The following DLC1 variants were observed in gnomAD, a reference collection of about 807,000 sequenced individuals.
DLC1 encodes the protein rho GTPase-activating protein 7.
DLC1 carries 54 observed loss-of-function variants against 140.3 expected under a neutral mutation model. The ratio of observed to expected loss-of-function variants is 0.38; its 90% CI spans 0.31 to 0.48. The LOEUF (loss-of-function observed/expected upper bound fraction) is 0.48, where lower values mean the gene tolerates loss of function less well. Ranked by LOEUF, DLC1 falls within the 20% of genes least tolerant of loss-of-function variation. The pLI, the probability that DLC1 is intolerant of heterozygous loss-of-function variation, is 0.96. For synonymous variants in DLC1, 986 were observed against 728.1 expected (o/e 1.35, Z -5.70); for missense variants, 2,536 against 1,907.0 (o/e 1.33, Z -6.14).
At chr8:13,411,327 A>G (rs1837770823) in intron 2 of DLC1, among the ~76,000 whole-genome samples, 1 of 152,230 alleles carries the variant, frequency 6.6e-6, no homozygotes, top group African/African-American at 2.4e-5. Flanking sequence ...TATCTACTGA[A>G]TAATTCCAAT....
chr8:13,301,922 C>T (rs927474293), intron 5 of DLC1, among the ~76,000 whole-genome samples: 4 of 152,132 alleles, frequency 2.6e-5, no homozygotes, highest in South Asian at 2.1e-4. Context: ...TACCCAACTC[C>T]GTGGAAAAAT....
chr8:13,210,594 T>C (rs970138967), intron 5 of DLC1, among the ~76,000 whole-genome samples: 1 of 152,226 alleles, frequency 6.6e-6, no homozygotes, highest in African/African-American at 2.4e-5. Context: ...ATTTACTACA[T>C]TAAATCAATT....
chr8:13,545,183 C>T (rs186511083), intron 1 of DLC1, among the ~76,000 whole-genome samples: 1 of 151,944 alleles, frequency 6.6e-6, no homozygotes, highest in Non-Finnish European at 1.5e-5. Flanking sequence ...AAAGAACTAA[C>T]ATTGCATTTA....
chr8:13,383,273 C>A (rs772235726), intron 4 of DLC1, among the ~76,000 whole-genome samples: 2 of 152,154 alleles, frequency 1.3e-5, no homozygotes, highest in African/African-American at 4.8e-5. Context: ...GTGACACTTA[C>A]GTGCCTTCTG....
rs112647251 is a variant in DLC1, at chr8:13,212,208, T to A, written c.1348+93061A>T. Among the ~76,000 whole-genome samples, 303 of 152,328 alleles carry A rather than the reference T, an allele frequency of 2.0e-3. 2 individuals carry two copies. Among genetic ancestry groups the A allele is most frequent in the African/African-American group, 6.4e-3 (268 of 41,574 alleles). On this transcript the variant is annotated intron_variant, in intron 5 of 17. Coordinates refer to ENST00000276297, the MANE Select transcript of DLC1 (RefSeq NM_182643.3). ...CCTCTTAACAACATACATGGCTTTT[T>A]AAAAATATCAGGATGACCAACCAGC...
At chr8:13,562,000 C>G (rs941936735) in intron 1 of DLC1, among the ~76,000 whole-genome samples, 2 of 151,894 alleles carry the variant, frequency 1.3e-5, no homozygotes, top group African/African-American at 4.8e-5. Flanking sequence ...GGAAAAAGTA[C>G]TAAAGACAGG....
At chr8:13,590,214 C>T (rs960557551) in intron 1 of DLC1, among the ~76,000 whole-genome samples, 1 of 152,140 alleles carries the variant, frequency 6.6e-6, no homozygotes, top group Non-Finnish European at 1.5e-5. Context: ...GGCCTCTCAA[C>T]ATCCTTGAAT....
At chr8:13,191,593 C>T (rs1189124808) in intron 5 of DLC1, among the ~76,000 whole-genome samples, 1 of 152,050 alleles carries the variant, frequency 6.6e-6, no homozygotes, top group African/African-American at 2.4e-5. Flanking sequence ...TTAAGATGCC[C>T]CGAGAATTTG....
intron 5 of DLC1, among the ~76,000 whole-genome samples, chr8:13,165,916 A>G (rs942941477): frequency 6.6e-6 from 1 of 152,100 alleles, no homozygotes; most frequent in Non-Finnish European, 1.5e-5. Flanking sequence ...CAGATCTGGG[A>G]AAGTGTTTAA....
chr8:13,399,544 C>A (rs1182549497), intron 3 of DLC1, among the ~76,000 whole-genome samples: 1 of 152,150 alleles, frequency 6.6e-6, no homozygotes, highest in African/African-American at 2.4e-5. Flanking sequence ...ATCTGATCCC[C>A]TATCCCCATT....
At chr8:13,306,595 A>T (rs1352929002) in intron 4 of DLC1, among the ~76,000 whole-genome samples, 4 of 151,864 alleles carry the variant, frequency 2.6e-5, no homozygotes, top group South Asian at 4.2e-4. Flanking sequence ...AGAGAGAGAG[A>T]GAGAGAGGCC....
At chr8:13,214,589 A>T (rs565522975) in intron 5 of DLC1, 7 of 635,416 alleles carry the variant, frequency 1.1e-5, no homozygotes, top group Non-Finnish European at 2.0e-5. Context: ...CTGCCCGAGG[A>T]AATTGGAGTG....
intron 5 of DLC1, among the ~76,000 whole-genome samples, chr8:13,226,993 A>C (rs1451695666): frequency 6.6e-6 from 1 of 152,108 alleles, no homozygotes. Flanking sequence ...CTTCTGCAAA[A>C]AACTGGGCAC....
At chr8:13,261,638 G>A (rs1830474052) in intron 5 of DLC1, among the ~76,000 whole-genome samples, 1 of 152,190 alleles carries the variant, frequency 6.6e-6, no homozygotes, top group African/African-American at 2.4e-5. Flanking sequence ...GGTGGTGGCA[G>A]TGAGGGTGGT....
intron 1 of DLC1, among the ~76,000 whole-genome samples, chr8:13,585,950 G>A (rs566989074): frequency 2.0e-5 from 3 of 152,312 alleles, no homozygotes; most frequent in Admixed American, 1.3e-4. Context: ...GGAGGATAAA[G>A]CAGAGAAATA....
chr8:13,169,662 CAGG>C lies in DLC1; in HGVS notation c.1349-54008_1349-54006del, dbSNP rs1825326964. Among the ~76,000 whole-genome samples, 6 of 152,246 alleles carry C rather than the reference CAGG, an allele frequency of 3.9e-5. No individual in the cohort carries two copies. The South Asian group carries it at 1.2e-3, about 32-fold the overall frequency. ...GAAAAATAAAAGAGGTGGTCTAAAT[CAGG>C]ACTTTGTTTTTTAAAAAGTCTGCAG... On this transcript the variant is annotated intron_variant, in intron 5 of 17. Coordinates refer to ENST00000276297, the MANE Select transcript of DLC1 (RefSeq NM_182643.3).
rs527754839 is a variant in DLC1, at chr8:13,603,016, C to T, written c.-126+1521G>A. On this transcript the variant is annotated intron_variant, in intron 1 of 1. Coordinates refer to the DLC1 transcript ENST00000631382. Reference sequence around the variant, plus strand: ...GTAATAAAATTCTTTAGGGATTTTACGTGGCAATAACTTAGATAACCCAAC... The same window carrying T: ...GTAATAAAATTCTTTAGGGATTTTATGTGGCAATAACTTAGATAACCCAAC... 1.1e-3 allele frequency among the ~76,000 whole-genome samples: 162 copies of T among 151,864 alleles called. 1 individual carries two copies. In the Middle Eastern group the frequency reaches 0.014, roughly 13 times the overall value.
At chr8:13,234,718 T>C (rs1485907297) in intron 5 of DLC1, among the ~76,000 whole-genome samples, 1 of 151,936 alleles carries the variant, frequency 6.6e-6, no homozygotes. Context: ...AAATGAACAC[T>C]GGAGAGTATA....
chr8:13,192,467 A>G (rs990485704), intron 5 of DLC1, among the ~76,000 whole-genome samples: 11 of 152,098 alleles, frequency 7.2e-5, no homozygotes, highest in African/African-American at 2.4e-4. Flanking sequence ...TCTTTTGGCA[A>G]TTTCCCACAC....
Sources: allele counts gnomAD v4.1 joint callset (sites outside exome capture counted in the v4.1 genomes callset), GRCh38; gene constraint gnomAD v4.1.1; transcripts MANE v1.5; gene names NCBI Gene and HGNC (gene_info 2026-07-23, HGNC 2026-07-21).